DDI1: variants seen among roughly 807,000 people sequenced by gnomAD.
DDI1 encodes the protein protein DDI1 homolog 1.
Under a neutral mutation model 7.2 loss-of-function variants are expected in DDI1, and 6 were observed. The observed-to-expected ratio is 0.83, with a 90% CI of 0.46 to 1.64. DDI1 has a LOEUF of 1.64. Ranked by LOEUF, DDI1 falls within the 40% of genes most tolerant of loss-of-function variation. The pLI is 0.01. For synonymous variants in DDI1, 221 were observed against 201.7 expected (o/e 1.10, Z -0.81); for missense variants, 502 against 516.6 (o/e 0.97, Z 0.27).
chr11:104,038,011 T>G lies in DDI1; in HGVS notation c.1189T>G (p.Ter397GluextTer4), dbSNP rs761812978. The change falls in exon 1 of 1, where the codon TAA becomes GAA. Residue 397 changes from the stop codon to glutamate (E), a stop_lost. Transcript: ENST00000302259. ...SVMDSGRKEH[*>E] ...CATGGATTCAGGACGAAAAGAGCAT[T>G]AAAGCACGTTATAAATATGTTACCA... The G allele has an allele frequency of 1.2e-6, 2 of 1,609,350 alleles. No homozygotes were observed. Among genetic ancestry groups the G allele is most frequent in the Non-Finnish European group, 1.7e-6 (2 of 1,176,406 alleles).
chr11:104,037,512 G>A lies in DDI1; in HGVS notation c.690G>A (p.Ala230=), dbSNP rs1475544688. Residue 230 remains alanine (A), a synonymous_variant, in exon 1 of 1, where the codon GCG becomes GCA. Coordinates refer to ENST00000302259, the MANE Select transcript of DDI1 (RefSeq NM_001001711.3). ...QQNIEENMNI[A]IEEAPESFGQ... ...ACATTGAAGAAAACATGAATATAGC[G>A]ATAGAAGAGGCCCCCGAGAGTTTTG... 2.5e-6 allele frequency: 4 copies of A among 1,613,962 alleles called. No homozygotes were observed. The highest frequency in any genetic ancestry group is 1.7e-5 in the Admixed American group (1 of 59,998).
chr11:104,037,865 T>C lies in DDI1; in HGVS notation c.1043T>C (p.Val348Ala), dbSNP rs376582077. 3.6e-5 allele frequency: 58 copies of C among 1,614,052 alleles called. No homozygotes were observed. Among genetic ancestry groups the C allele is most frequent in the Non-Finnish European group, 4.9e-5 (58 of 1,180,044 alleles). Residue 348 changes from valine to alanine, a missense_variant, in exon 1 of 1, where the codon GTG becomes GCG. Physicochemically the swap from Val to Ala is moderately conservative, Grantham distance 64. Transcript: ENST00000302259. The stretch of plus-strand genomic sequence containing the variant: ...TGTTCCATCGATTTGAAGAAAAATG[T>C]GCTGGTCATCGGCACCACTGGCACG... ...HQCSIDLKKN[V>A]LVIGTTGTQT...
In DDI1 at chr11:104,038,048, C is replaced by A; in HGVS notation, c.*35C>A. 6.4e-7 allele frequency: 1 copy of A among 1,561,824 alleles called. No homozygotes were observed. On this transcript the variant is annotated 3_prime_UTR_variant, in exon 1 of 1. Transcript: ENST00000302259. Reference sequence around the variant, plus strand: ...TAAATATGTTACCACCTTGAGGGAGCCTCAGGTCCCCGGCAATTATAAGTT... The same window carrying A: ...TAAATATGTTACCACCTTGAGGGAGACTCAGGTCCCCGGCAATTATAAGTT...
In DDI1 at chr11:104,039,111, G is replaced by T. The variant is rs994218697; in HGVS notation, c.*1098G>T. On this transcript the variant is annotated 3_prime_UTR_variant, in exon 1 of 1. Transcript: ENST00000302259. ...TAAAGCACCTGAGAGAAAAGTTTCA[G>T]CTTCCTGAGGCCATCAGATGCAGGG... 6.0e-6 allele frequency: 1 copy of T among 167,004 alleles called. No homozygotes were observed. The highest frequency in any genetic ancestry group is 1.9e-4 in the East Asian group (1 of 5,202). The allele number at this position is 167,004 out of a possible 1,614,324, so 10.3% of individuals were successfully genotyped here.
chr11:104,037,808 T>C lies in DDI1; in HGVS notation c.986T>C (p.Leu329Pro). 1 of 1,614,184 alleles carries C rather than the reference T, an allele frequency of 6.2e-7. No individual in the cohort carries two copies. The highest frequency in any genetic ancestry group is 1.3e-5 in the African/African-American group (1 of 75,044). ...SILEDQPMDM[L>P]LGLDMLRRHQ... ...CTTGAGGATCAACCCATGGATATGC[T>C]TCTAGGCCTAGATATGCTCCGGAGA... Residue 329 changes from leucine to proline, a missense_variant, in exon 1 of 1, where the codon CTT becomes CCT. Coordinates refer to ENST00000302259, the MANE Select transcript of DDI1 (RefSeq NM_001001711.3).
rs1220739537 is a variant in DDI1 at position 104,037,655 on chromosome 11, T to C, written c.833T>C (p.Ile278Thr). 1 of 1,614,064 alleles carries C rather than the reference T, an allele frequency of 6.2e-7. No individual in the cohort carries two copies. Among genetic ancestry groups the C allele is most frequent in the South Asian group, 1.1e-5 (1 of 91,070 alleles). Residue 278 changes from isoleucine (I) to threonine (T), a missense_variant, in exon 1 of 1, where the codon ATC becomes ACC. Transcript: ENST00000302259. ...MSQACAERCN[I>T]MRLVDRRWAG... ...CAGGCTTGTGCCGAGCGATGTAACATCATGAGGCTGGTGGACCGACGGTGG... is the reference window on the plus strand; with the variant it reads ...CAGGCTTGTGCCGAGCGATGTAACACCATGAGGCTGGTGGACCGACGGTGG...
In DDI1 at chr11:104,037,397, T is replaced by C; in HGVS notation, c.575T>C (p.Leu192Ser). The C allele has an allele frequency of 2.5e-6, 4 of 1,614,042 alleles. No homozygotes were observed. Among genetic ancestry groups the C allele is most frequent in the South Asian group, 2.2e-5 (2 of 91,088 alleles). The change falls in exon 1 of 1, where the codon TTG (leucine) becomes TCG (serine). Residue 192 changes from leucine (L) to serine (S), a missense_variant. Physicochemically the swap from Leu to Ser is moderately radical, Grantham distance 145. Transcript: ENST00000302259. The part of the protein sequence containing the change: ...VLMEQQREKA[L>S]REQERLRLYT... ...ATGGAGCAGCAAAGGGAAAAGGCCTTGAGAGAGCAAGAGAGGCTTCGTCTC... is the reference window on the plus strand; with the variant it reads ...ATGGAGCAGCAAAGGGAAAAGGCCTCGAGAGAGCAAGAGAGGCTTCGTCTC...
At position 104,037,668 on chromosome 11, in the gene DDI1, G is replaced by T; in HGVS notation, c.846G>T (p.Val282=). Residue 282 remains valine, a synonymous_variant, in exon 1 of 1, where the codon GTG becomes GTT. Coordinates refer to ENST00000302259, the MANE Select transcript of DDI1 (RefSeq NM_001001711.3). ...AGCGATGTAACATCATGAGGCTGGT[G>T]GACCGACGGTGGGCTGGGGTTGCTA... ...CAERCNIMRL[V]DRRWAGVAKG... The T allele has an allele frequency of 6.2e-7, 1 of 1,614,172 alleles. No individual in the cohort carries two copies. Among genetic ancestry groups the T allele is most frequent in the Non-Finnish European group, 8.5e-7 (1 of 1,180,044 alleles).
In DDI1 at chr11:104,037,535, T is replaced by C. The variant is rs1464985482; in HGVS notation, c.713T>C (p.Phe238Ser). The C allele has an allele frequency of 2.5e-6, 4 of 1,613,634 alleles. No homozygotes were observed. The highest frequency in any genetic ancestry group is 3.4e-6 in the Non-Finnish European group (4 of 1,179,892). Residue 238 changes from phenylalanine (F) to serine (S), a missense_variant, in exon 1 of 1, where the codon TTT (phenylalanine) becomes TCT (serine). Transcript: ENST00000302259. ...GCGATAGAAGAGGCCCCCGAGAGTT[T>C]TGGACAAGTGACGATGCTCTACATT... is the stretch of plus-strand genomic sequence containing the variant. ...NIAIEEAPES[F>S]GQVTMLYINC...
In DDI1 at chr11:104,036,843, C is replaced by A. The variant is rs777102812; in HGVS notation, c.21C>A (p.Cys7Ter). The change falls in exon 1 of 1, where the codon TGC (cysteine) becomes TGA (stop). Residue 7 changes from cysteine to a stop codon, truncating the protein, a stop_gained. Transcript: ENST00000302259. LOFTEE classifies it low-confidence loss of function (END_TRUNC). ...CCGCCATGCTGATCACCGTGTACTG[C>A]GTGCGGAGGGACCTCTCCGAGGTCA... MLITVY[C>*]VRRDLSEVTF... 15 of 1,613,970 alleles carry A rather than the reference C, an allele frequency of 9.3e-6. No homozygotes were observed. The East Asian group carries it at 2.9e-4, about 31-fold the overall frequency.
Position 104,037,327 on chromosome 11 carries a change from G to C in DDI1, c.505G>C (p.Glu169Gln). The C allele has an allele frequency of 6.2e-7, 1 of 1,613,902 alleles. No individual in the cohort carries two copies. The highest frequency in any genetic ancestry group is 8.5e-7 in the Non-Finnish European group (1 of 1,179,826). Residue 169 changes from glutamate to glutamine, a missense_variant, in exon 1 of 1, where the codon GAA (glutamate) becomes CAA (glutamine). Transcript: ENST00000302259. Reference protein sequence around the residue: ...LLKERNPPLAEALLSGSLETF... With the variant: ...LLKERNPPLAQALLSGSLETF... Reference sequence around the variant, plus strand: ...CAAGGAACGCAACCCTCCCTTGGCGGAAGCCCTGCTCAGCGGAAGCCTTGA... The same window carrying C: ...CAAGGAACGCAACCCTCCCTTGGCGCAAGCCCTGCTCAGCGGAAGCCTTGA...
In DDI1 at chr11:104,037,046, T is replaced by C. The variant is rs745421003; in HGVS notation, c.224T>C (p.Leu75Pro). 1.9e-6 allele frequency: 3 copies of C among 1,614,122 alleles called. No homozygotes were observed. Among genetic ancestry groups the C allele is most frequent in the African/African-American group, 1.3e-5 (1 of 74,938 alleles). Residue 75 changes from leucine to proline, a missense_variant, in exon 1 of 1, where the codon CTG (leucine) becomes CCG (proline). Physicochemically the swap from Leu to Pro is moderately conservative, Grantham distance 98 (BLOSUM62 -3). Coordinates refer to ENST00000302259, the MANE Select transcript of DDI1 (RefSeq NM_001001711.3). ...AAAGATGGCGATATCGTGGTTTTAC[T>C]GCAGAAGGACAATGTGGGACCTCGG... ...GLKDGDIVVLLQKDNVGPRAP... is the reference protein window; with the variant it reads ...GLKDGDIVVLPQKDNVGPRAP...
Position 104,038,232 on chromosome 11 carries a change from G to A in DDI1, c.*219G>A. The A allele has an allele frequency of 1.9e-6, 1 of 539,628 alleles. No homozygotes were observed. Among genetic ancestry groups the A allele is most frequent in the Non-Finnish European group, 3.3e-6 (1 of 300,254 alleles). 33.4% of individuals were successfully genotyped at this position (539,628 alleles called of 1,614,324 possible). Reference sequence around the variant, plus strand: ...CCAGAGATCACTGAAAGGCATCCTGGGAAGGCTCTGGAGGCTCCAGCTGAT... The same window carrying A: ...CCAGAGATCACTGAAAGGCATCCTGAGAAGGCTCTGGAGGCTCCAGCTGAT... On this transcript the variant is annotated 3_prime_UTR_variant, in exon 1 of 1. Transcript: ENST00000302259.
Position 104,037,513 on chromosome 11 carries a change from A to G in DDI1, c.691A>G (p.Ile231Val). 6.2e-7 allele frequency: 1 copy of G among 1,614,126 alleles called. No individual in the cohort carries two copies. The highest frequency in any genetic ancestry group is 1.1e-5 in the South Asian group (1 of 91,080). Residue 231 changes from isoleucine (I) to valine (V), a missense_variant, in exon 1 of 1, where the codon ATA (isoleucine) becomes GTA (valine). Transcript: ENST00000302259. ...CATTGAAGAAAACATGAATATAGCGATAGAAGAGGCCCCCGAGAGTTTTGG... is the reference window on the plus strand; with the variant it reads ...CATTGAAGAAAACATGAATATAGCGGTAGAAGAGGCCCCCGAGAGTTTTGG... ...QNIEENMNIA[I>V]EEAPESFGQV...
In DDI1 at chr11:104,037,718, T is replaced by C. The variant is rs374656084; in HGVS notation, c.896T>C (p.Ile299Thr). ...VAKGVGTQRI[I>T]GRVHLAQIQI... is the part of the protein sequence containing the mutation. ...AAAGGAGTGGGCACACAGAGAATTA[T>C]TGGCCGTGTTCATCTAGCTCAGATT... is the stretch of plus-strand genomic sequence containing the variant. The change falls in exon 1 of 1, where the codon ATT (isoleucine) becomes ACT (threonine). Residue 299 changes from isoleucine to threonine, a missense_variant. By Grantham distance (89) the Ile-to-Thr change is moderately conservative. Transcript: ENST00000302259. 30 of 1,613,986 alleles carry C rather than the reference T, an allele frequency of 1.9e-5. No individual in the cohort carries two copies. The highest frequency in any genetic ancestry group is 9.3e-5 in the African/African-American group (7 of 74,908).
Position 104,037,654 on chromosome 11 carries a change from A to T in DDI1, c.832A>T (p.Ile278Phe). The T allele has an allele frequency of 6.2e-7, 1 of 1,614,178 alleles. No homozygotes were observed. The highest frequency in any genetic ancestry group is 1.1e-5 in the South Asian group (1 of 91,078). Residue 278 changes from isoleucine (I) to phenylalanine (F), a missense_variant, in exon 1 of 1, where the codon ATC becomes TTC. By Grantham distance (21) the Ile-to-Phe change is conservative. Transcript: ENST00000302259. ...MSQACAERCN[I>F]MRLVDRRWAG... ...CCAGGCTTGTGCCGAGCGATGTAAC[A>T]TCATGAGGCTGGTGGACCGACGGTG... is the stretch of plus-strand genomic sequence containing the variant.
In DDI1 at chr11:104,037,226, C is replaced by A; in HGVS notation, c.404C>A (p.Ala135Asp). The A allele has an allele frequency of 1.9e-6, 3 of 1,613,676 alleles. 1 individual carries two copies. Among genetic ancestry groups the A allele is most frequent in the Non-Finnish European group, 2.5e-6 (3 of 1,179,994 alleles). Residue 135 changes from alanine (A) to aspartate (D), a missense_variant, in exon 1 of 1, where the codon GCC becomes GAC. Coordinates refer to ENST00000302259, the MANE Select transcript of DDI1 (RefSeq NM_001001711.3). Reference sequence around the variant, plus strand: ...GGCTTGGCGTCAGGAGAGAAGGTGGCCGGCCTGCAAGGTCTGGGCAGCCCC... The same window carrying A: ...GGCTTGGCGTCAGGAGAGAAGGTGGACGGCCTGCAAGGTCTGGGCAGCCCC... ...SQGLASGEKV[A>D]GLQGLGSPAL...
rs1288574029 is a variant in DDI1, at chr11:104,036,844, G to A, written c.22G>A (p.Val8Met). MLITVYC[V>M]RRDLSEVTFS... is the part of the protein sequence containing the mutation. ...CGCCATGCTGATCACCGTGTACTGCGTGCGGAGGGACCTCTCCGAGGTCAC... is the reference window on the plus strand; with the variant it reads ...CGCCATGCTGATCACCGTGTACTGCATGCGGAGGGACCTCTCCGAGGTCAC... Residue 8 changes from valine to methionine, a missense_variant, in exon 1 of 1, where the codon GTG becomes ATG. Val to Met is a conservative substitution (Grantham distance 21). Transcript: ENST00000302259. The A allele has an allele frequency of 1.9e-6, 3 of 1,614,016 alleles. No individual in the cohort carries two copies. The highest frequency in any genetic ancestry group is 3.3e-5 in the Admixed American group (2 of 60,028).
rs778332946 is a variant in DDI1, at chr11:104,037,038, G to A, written c.216G>A (p.Val72=). 3 of 1,614,226 alleles carry A rather than the reference G, an allele frequency of 1.9e-6. No individual in the cohort carries two copies. Among genetic ancestry groups the A allele is most frequent in the South Asian group, 2.2e-5 (2 of 91,092 alleles). ...GSYGLKDGDI[V]VLLQKDNVGP... is the part of the protein sequence containing the mutation. ...ACGGCCTCAAAGATGGCGATATCGT[G>A]GTTTTACTGCAGAAGGACAATGTGG... The change falls in exon 1 of 1, where the codon GTG becomes GTA. Residue 72 remains valine, a synonymous_variant. Coordinates refer to ENST00000302259, the MANE Select transcript of DDI1 (RefSeq NM_001001711.3).
Sources: allele counts gnomAD v4.1 joint callset, GRCh38; gene constraint gnomAD v4.1.1; transcripts MANE v1.5; gene names NCBI Gene and HGNC (gene_info 2026-07-23, HGNC 2026-07-21).